The following RSPRY1 variants were observed in gnomAD, a reference collection of about 807,000 sequenced individuals.
RSPRY1 encodes ring finger and SPRY domain containing 1, also known as RING finger and SPRY domain-containing protein 1.
RSPRY1 carries 23 observed loss-of-function variants against 73.1 expected under a neutral mutation model. That is an observed-to-expected ratio of 0.31 (90% CI 0.23 to 0.45). RSPRY1 has a LOEUF of 0.45. RSPRY1 is among the 20% of genes least tolerant of loss of function. RSPRY1 has a pLI of 1.00. For synonymous variants in RSPRY1, 226 were observed against 251.4 expected, an observed-to-expected ratio of 0.90 and a Z score of 0.95; for missense variants, 448 against 698.7, an observed-to-expected ratio of 0.64 and a Z score of 4.05.
chr16:57,205,584 A>G (rs1253131706), intron 2 of RSPRY1, among the ~76,000 whole-genome samples: 1 of 152,244 alleles, frequency 6.6e-6, no homozygotes, highest in East Asian at 1.9e-4. Flanking sequence ...GTCTACCTCT[A>G]AATACAAAAT....
At position 57,189,674 on chromosome 16, in the gene RSPRY1, C is replaced by T. The variant is rs1597841499; in HGVS notation, c.-156+3223C>T. 2.0e-5 allele frequency among the ~76,000 whole-genome samples: 3 copies of T among 150,556 alleles called. No individual in the cohort carries two copies. The South Asian group carries it at 6.3e-4, about 32-fold the overall frequency. On this transcript the variant is annotated intron_variant, in intron 1 of 14. Coordinates refer to ENST00000394420, the MANE Select transcript of RSPRY1 (RefSeq NM_133368.3). ...TGGTGCAATCACGGCTCACAGAAGC[C>T]TCTACCTCCCAGGCTCAGGTGATCC...
chr16:57,217,461 C>T (rs2074959841), intron 8 of RSPRY1, among the ~76,000 whole-genome samples: 1 of 152,168 alleles, frequency 6.6e-6, no homozygotes, highest in Non-Finnish European at 1.5e-5. Context: ...CATGTCTTAC[C>T]TACATCATGA....
chr16:57,216,516 G>A (rs1213105236), intron 7 of RSPRY1: 9 of 327,294 alleles, frequency 2.7e-5, no homozygotes, highest in Non-Finnish European at 5.1e-5. Context: ...CCAGGAATTC[G>A]AGACCAGGGT....
At chr16:57,196,353 C>G (rs887380944) in intron 1 of RSPRY1, among the ~76,000 whole-genome samples, 13 of 152,026 alleles carry the variant, frequency 8.6e-5, no homozygotes, top group African/African-American at 2.9e-4. Context: ...CATTTTTGAC[C>G]CAAGAAGAAA....
intron 10 of RSPRY1, among the ~76,000 whole-genome samples, chr16:57,225,805 G>A (rs1461772051): frequency 2.0e-5 from 3 of 152,232 alleles, no homozygotes; most frequent in South Asian, 4.1e-4. Flanking sequence ...ACTGCCAGGC[G>A]CGGTGGCTCA....
intron 8 of RSPRY1, among the ~76,000 whole-genome samples, chr16:57,219,043 C>A (rs1255173633): frequency 6.6e-6 from 1 of 152,092 alleles, no homozygotes; most frequent in Non-Finnish European, 1.5e-5. Context: ...GCCACATTTT[C>A]TTTATTCATT....
In RSPRY1 at chr16:57,197,709, TTTTTTG is replaced by T. The variant is rs372042318; in HGVS notation, c.-155-6772_-155-6767del. On this transcript the variant is annotated intron_variant, in intron 1 of 14. Coordinates refer to ENST00000394420, the MANE Select transcript of RSPRY1 (RefSeq NM_133368.3). Reference sequence around the variant, plus strand: ...TACCTTCGTATTTAGTCAGTTTTTGTTTTTTGTTTTTGTTTTTGTTTTTGTTTTCCC... The same window carrying T: ...TACCTTCGTATTTAGTCAGTTTTTGTTTTTTGTTTTTGTTTTTGTTTTCCC... Among the ~76,000 whole-genome samples, 1,426 of 152,182 alleles carry T rather than the reference TTTTTTG, an allele frequency of 9.4e-3. 22 individuals are homozygous for T. The highest frequency in any genetic ancestry group is 0.032 in the African/African-American group (1,326 of 41,506).
At chr16:57,233,693 A>G (rs2075260397) in intron 13 of RSPRY1, among the ~76,000 whole-genome samples, 1 of 152,118 alleles carries the variant, frequency 6.6e-6, no homozygotes, top group Non-Finnish European at 1.5e-5. Context: ...TAACTCCTTT[A>G]TCATCCCAGT....
At chr16:57,227,221 T>C (rs909998973) in intron 10 of RSPRY1, 121 bp from the exon 11 acceptor site, 38 of 678,910 alleles carry the variant, frequency 5.6e-5, no homozygotes, top group Non-Finnish European at 9.9e-5. Flanking sequence ...CCATGAGCTC[T>C]CTCATCATCC....
intron 13 of RSPRY1, among the ~76,000 whole-genome samples, chr16:57,231,996 G>A (rs2075229575): frequency 6.6e-6 from 1 of 152,156 alleles, no homozygotes; most frequent in Admixed American, 6.5e-5. Flanking sequence ...CTGCTTCCTG[G>A]TAATTACTTC....
In RSPRY1 at chr16:57,238,931, A is replaced by G; in HGVS notation, c.1687A>G (p.Lys563Glu). Residue 563 changes from lysine (K) to glutamate (E), a missense_variant, in exon 15 of 15, where the codon AAA becomes GAA. Physicochemically the swap from Lys to Glu is moderately conservative, Grantham distance 56. Coordinates refer to ENST00000394420, the MANE Select transcript of RSPRY1 (RefSeq NM_133368.3). ...GCTGGAGACCTGCCCATTGTGTCGTAAAGAAATAGTATCTAGAATCAGACA... is the reference window on the plus strand; with the variant it reads ...GCTGGAGACCTGCCCATTGTGTCGTGAAGAAATAGTATCTAGAATCAGACA... ...LQLETCPLCR[K>E]EIVSRIRQIS... The G allele has an allele frequency of 1.2e-6, 2 of 1,610,680 alleles. No individual in the cohort carries two copies. Among genetic ancestry groups the G allele is most frequent in the East Asian group, 2.2e-5 (1 of 44,772 alleles).
intron 10 of RSPRY1, among the ~76,000 whole-genome samples, chr16:57,221,982 A>G (rs1030396642): frequency 1.3e-5 from 2 of 152,206 alleles, no homozygotes; most frequent in African/African-American, 2.4e-5. Context: ...CTACAGATGT[A>G]TGATTTCTTG....
At chr16:57,228,317 C>A (rs2075152249) in intron 11 of RSPRY1, among the ~76,000 whole-genome samples, 1 of 151,126 alleles carries the variant, frequency 6.6e-6, no homozygotes, top group African/African-American at 2.4e-5. Context: ...TTGCCCACCC[C>A]CATATGGAAA....
Position 57,227,374 on chromosome 16 carries a change from CT to C in RSPRY1, c.1195del (p.Cys399ValfsTer9). On this transcript the variant is annotated frameshift_variant, in exon 11 of 15. Coordinates refer to ENST00000394420, the MANE Select transcript of RSPRY1 (RefSeq NM_133368.3). LOFTEE classifies it high-confidence loss of function. ...ACGGCATTGGGGATGATGAATACTC[CT>C]GTGCGTATGATGGCTGCCGGCAGCT... is the stretch of plus-strand genomic sequence containing the variant. ...GYGIGDDEYS[C>X]AYDGCRQLIW... 6.2e-7 allele frequency: 1 copy of C among 1,614,058 alleles called. No homozygotes were observed. The highest frequency in any genetic ancestry group is 8.5e-7 in the Non-Finnish European group (1 of 1,179,950).
At chr16:57,217,720 T>C (rs1352050397) in intron 8 of RSPRY1, among the ~76,000 whole-genome samples, 1 of 152,140 alleles carries the variant, frequency 6.6e-6, no homozygotes, top group African/African-American at 2.4e-5. Flanking sequence ...AGTATTGGAT[T>C]TTGGAGCATT....
intron 1 of RSPRY1, among the ~76,000 whole-genome samples, chr16:57,203,878 C>G (rs1328339606): frequency 6.6e-6 from 1 of 152,164 alleles, no homozygotes; most frequent in Non-Finnish European, 1.5e-5. Flanking sequence ...CAAAACAAAG[C>G]CTTGCTTACA....
At chr16:57,208,240 A>G in intron 3 of RSPRY1, 130 bp downstream of exon 3, 1 of 543,372 alleles carries the variant, frequency 1.8e-6, no homozygotes, top group Non-Finnish European at 3.2e-6. Flanking sequence ...CATAACAATG[A>G]AAAAAGCCCT....
chr16:57,207,609 G>A (rs1398757087), intron 2 of RSPRY1: 2 of 456,200 alleles, frequency 4.4e-6, no homozygotes, highest in South Asian at 1.5e-5. Flanking sequence ...ACTTCAAAAT[G>A]AAGATGCGTA....
At chr16:57,194,941 C>G (rs2074412998) in intron 1 of RSPRY1, among the ~76,000 whole-genome samples, 1 of 151,838 alleles carries the variant, frequency 6.6e-6, no homozygotes, top group Non-Finnish European at 1.5e-5. Flanking sequence ...GCTTTAACAC[C>G]AAGCTTACCA....
Sources: allele counts gnomAD v4.1 joint callset (sites outside exome capture counted in the v4.1 genomes callset), GRCh38; gene constraint gnomAD v4.1.1; transcripts MANE v1.5; gene names NCBI Gene and HGNC (gene_info 2026-07-23, HGNC 2026-07-21).